The following ZNF800 variants were observed in gnomAD, a reference collection of about 807,000 sequenced individuals.
The protein encoded by ZNF800 is zinc finger protein 800.
Under a neutral mutation model 59.5 loss-of-function variants are expected in ZNF800, and 13 were observed. The observed-to-expected ratio is 0.22, with a 90% CI of 0.14 to 0.35. The LOEUF (loss-of-function observed/expected upper bound fraction) is 0.35. Among genes scored for constraint, ZNF800 ranks in the 10% least tolerant of loss-of-function variants. ZNF800 has a pLI of 1.00. For synonymous variants in ZNF800, 266 were observed against 265.7 expected, an observed-to-expected ratio of 1.00 and a Z score of -0.01; for missense variants, 621 against 783.7, an observed-to-expected ratio of 0.79 and a Z score of 2.48.
intron 3 of ZNF800, among the ~76,000 whole-genome samples, chr7:127,378,004 A>C (rs930333656): frequency 6.6e-6 from 1 of 151,918 alleles, no homozygotes; most frequent in Non-Finnish European, 1.5e-5. Context: ...CAGCACTATA[A>C]ATTTATTCAA....
intron 1 of ZNF800, chr7:127,350,311 C>T (rs566928830): frequency 1.3e-5 from 2 of 152,262 alleles, no homozygotes; most frequent in African/African-American, 2.4e-5. Flanking sequence ...ATTATGCCTC[C>T]GTTCTCTTTT....
At chr7:127,351,287 A>C (rs1454561974) in intron 1 of ZNF800, 1 of 152,202 alleles carries the variant, frequency 6.6e-6, no homozygotes, top group African/African-American at 2.4e-5. Flanking sequence ...AATCCTGTCC[A>C]TCTCTCAAGA....
intron 1 of ZNF800, among the ~76,000 whole-genome samples, chr7:127,352,258 A>G (rs190553726): frequency 2.6e-5 from 4 of 152,370 alleles, no homozygotes; most frequent in Admixed American, 6.5e-5. Context: ...ATGCTTATTC[A>G]TAATAATAGT....
chr7:127,380,390 A>T (rs1800940321), intron 3 of ZNF800, among the ~76,000 whole-genome samples: 1 of 152,210 alleles, frequency 6.6e-6, no homozygotes, highest in Non-Finnish European at 1.5e-5. Flanking sequence ...AATCTATGTG[A>T]AGTTAACTGA....
At chr7:127,391,687 C>G in intron 1 of ZNF800, 72 bp from the exon 2 acceptor site, 1 of 765,280 alleles carries the variant, frequency 1.3e-6, no homozygotes, top group Non-Finnish European at 2.3e-6. Context: ...TTTCCAGATA[C>G]GTTCCCATCA....
At chr7:127,371,863 C>G in intron 5 of ZNF800, 49 bp from the exon 6 acceptor site, 3 of 732,490 alleles carry the variant, frequency 4.1e-6, no homozygotes, top group South Asian at 3.0e-5. Context: ...ACTAATAAAA[C>G]CTAGTTTTTA....
intron 3 of ZNF800, among the ~76,000 whole-genome samples, chr7:127,381,086 A>G (rs902728866): frequency 1.3e-5 from 2 of 152,240 alleles, no homozygotes; most frequent in Non-Finnish European, 2.9e-5. Context: ...GTCACATTAC[A>G]ATATGACAAT....
chr7:127,386,725 A>T (rs1562910875), intron 2 of ZNF800, among the ~76,000 whole-genome samples: 1 of 152,248 alleles, frequency 6.6e-6, no homozygotes, highest in Non-Finnish European at 1.5e-5. Context: ...CAAACAACTT[A>T]AAAGTCTCTT....
At chr7:127,379,342 T>A (rs1035916054) in intron 3 of ZNF800, among the ~76,000 whole-genome samples, 1 of 152,260 alleles carries the variant, frequency 6.6e-6, no homozygotes, top group East Asian at 1.9e-4. Flanking sequence ...TAGGTGAGCA[T>A]AGTAGCAGTG....
chr7:127,379,831 T>TC (rs1800902511), intron 3 of ZNF800, among the ~76,000 whole-genome samples: 3 of 28,004 alleles, frequency 1.1e-4, no homozygotes, highest in African/African-American at 1.4e-4. Context: ...CCCCTTACCC[T>TC]TGCCACCCCC....
downstream of ZNF800, among the ~76,000 whole-genome samples, chr7:127,368,124 T>A (rs940771628): frequency 7.2e-5 from 11 of 151,986 alleles, no homozygotes; most frequent in Admixed American, 7.2e-4. Flanking sequence ...TCTATTAAAC[T>A]AGAAGAAGAA....
At chr7:127,385,102 G>A (rs145795654) in intron 3 of ZNF800, among the ~76,000 whole-genome samples, 37 of 152,148 alleles carry the variant, frequency 2.4e-4, no homozygotes, top group Admixed American at 5.2e-4. Context: ...TGATTTCCCC[G>A]TTTATAACAA....
rs567161071 is a variant in ZNF800, at chr7:127,381,358, A to C, written c.158-4029T>G. Among the ~76,000 whole-genome samples, 6 of 152,330 alleles carry C rather than the reference A, an allele frequency of 3.9e-5. No individual in the cohort carries two copies. In the South Asian group the frequency reaches 1.2e-3, roughly 32 times the overall value. ...AGGAAATTTCTTACTGATCATCCTTAACGTAAGGATTCAAAGATACAAAGA... is the reference window on the plus strand; with the variant it reads ...AGGAAATTTCTTACTGATCATCCTTCACGTAAGGATTCAAAGATACAAAGA... On this transcript the variant is annotated intron_variant, in intron 3 of 5. Transcript: ENST00000265827.
At chr7:127,343,751 C>A (rs1308473783), downstream of ZNF800, among the ~76,000 whole-genome samples, 1 of 151,840 alleles carries the variant, frequency 6.6e-6, no homozygotes, top group Non-Finnish European at 1.5e-5. Flanking sequence ...TTGAGTTCAA[C>A]ATTGTTACAA....
chr7:127,364,621 G>A (rs1193382295), intron 1 of ZNF800: 1 of 152,144 alleles, frequency 6.6e-6, no homozygotes, highest in Non-Finnish European at 1.5e-5. Context: ...ATGTTTGTAG[G>A]TTGAGGAAGA....
Position 127,371,687 on chromosome 7 carries a change from T to G in ZNF800, c.*127A>C, listed in dbSNP as rs1009351277. ...TCAGAAAACAGCAGTTATAGTTGAATATTTAGAAAAATGTTTTTCTTTTTT... is the reference window on the plus strand; with the variant it reads ...TCAGAAAACAGCAGTTATAGTTGAAGATTTAGAAAAATGTTTTTCTTTTTT... On this transcript the variant is annotated 3_prime_UTR_variant, in exon 6 of 6. Coordinates refer to ENST00000265827, the MANE Select transcript of ZNF800 (RefSeq NM_176814.5). 8 of 576,976 alleles carry G rather than the reference T, an allele frequency of 1.4e-5. No homozygotes were observed. Among genetic ancestry groups the G allele is most frequent in the Non-Finnish European group, 2.5e-5 (8 of 318,148 alleles). 35.7% of individuals were successfully genotyped at this position (576,976 alleles called of 1,614,324 possible).
At chr7:127,369,670 T>C (rs1213861235), downstream of ZNF800, among the ~76,000 whole-genome samples, 1 of 152,140 alleles carries the variant, frequency 6.6e-6, no homozygotes, top group African/African-American at 2.4e-5. Context: ...CTATTTTTCC[T>C]ACATGACCCA....
chr7:127,389,029 C>T (rs1801227272), intron 2 of ZNF800, among the ~76,000 whole-genome samples: 2 of 152,144 alleles, frequency 1.3e-5, no homozygotes, highest in African/African-American at 2.4e-5. Context: ...TTTCCTTACA[C>T]CCTTCCAAAA....
downstream of ZNF800, among the ~76,000 whole-genome samples, chr7:127,345,698 A>G (rs549328727): frequency 3.9e-5 from 6 of 152,318 alleles, no homozygotes; most frequent in South Asian, 1.2e-3. Flanking sequence ...GCCATGGTAA[A>G]GGGGTTTAGA....
Sources: allele counts gnomAD v4.1 joint callset (sites outside exome capture counted in the v4.1 genomes callset), GRCh38; gene constraint gnomAD v4.1.1; transcripts MANE v1.5; gene names NCBI Gene and HGNC (gene_info 2026-07-23, HGNC 2026-07-21).